Variants in CCDC110 observed in about 807,000 individuals in gnomAD.
CCDC110 encodes coiled-coil domain-containing protein 110.
A neutral mutation model predicts 77.1 loss-of-function variants in CCDC110; 70 were observed. The observed-to-expected ratio is 0.91, with a 90% CI of 0.75 to 1.11. The LOEUF (loss-of-function observed/expected upper bound fraction) is 1.11. CCDC110 is among the 50% of genes least tolerant of loss of function. The pLI, the probability that CCDC110 is intolerant of heterozygous loss-of-function variation, is 0.00. For synonymous variants in CCDC110, 295 were observed against 312.5 expected (o/e 0.94, Z 0.59); for missense variants, 868 against 942.9 (o/e 0.92, Z 1.04).
intron 6 of CCDC110, among the ~76,000 whole-genome samples, chr4:185,447,186 CTTT>C (rs11352180): frequency 2.1e-5 from 3 of 139,652 alleles, no homozygotes; most frequent in Admixed American, 7.2e-5. Flanking sequence ...TATATTTTTT[CTTT>C]TTTTTTTTTT....
chr4:185,466,246 G>GCA, intron 2 of CCDC110, among the ~76,000 whole-genome samples: 1 of 152,086 alleles, frequency 6.6e-6, no homozygotes, highest in Admixed American at 6.5e-5. Context: ...GTGGTGGCAT[G>GCA]TGCCTGTAAT....
rs2095635663 is a variant in CCDC110, at chr4:185,456,111, T to C, written c.2461+2015A>G. On this transcript the variant is annotated intron_variant, in intron 6 of 6. Coordinates refer to ENST00000307588, the MANE Select transcript of CCDC110 (RefSeq NM_152775.4). Reference sequence around the variant, plus strand: ...GAAACATCAACCAAGACAGACCTTATTCTGGGCAATAAAACAAGTCTCAAT... The same window carrying C: ...GAAACATCAACCAAGACAGACCTTACTCTGGGCAATAAAACAAGTCTCAAT... Among the ~76,000 whole-genome samples, 7 of 151,284 alleles carry C rather than the reference T, an allele frequency of 4.6e-5. No individual in the cohort carries two copies. In the South Asian group the frequency reaches 1.5e-3, roughly 32 times the overall value.
In CCDC110 at chr4:185,471,059, A is replaced by T; in HGVS notation, c.11-10T>A. ...TCCCGGTGCTGCTTTTCTGTAACAGAACCGTCCGGGGCTGTTCTGTCGCGG... is the reference window on the plus strand; with the variant it reads ...TCCCGGTGCTGCTTTTCTGTAACAGTACCGTCCGGGGCTGTTCTGTCGCGG... On this transcript the variant is annotated splice_polypyrimidine_tract_variant and intron_variant, in intron 1 of 6. Transcript: ENST00000307588. 1 of 1,475,812 alleles carries T rather than the reference A, an allele frequency of 6.8e-7. No individual in the cohort carries two copies. The highest frequency in any genetic ancestry group is 9.0e-7 in the Non-Finnish European group (1 of 1,109,348). 91.4% of individuals were successfully genotyped at this position (1,475,812 alleles called of 1,614,324 possible).
At chr4:185,448,175 C>T (rs987587941) in intron 6 of CCDC110, among the ~76,000 whole-genome samples, 4 of 152,008 alleles carry the variant, frequency 2.6e-5, no homozygotes, top group African/African-American at 9.7e-5. Context: ...CGCCCACCAC[C>T]ACGCCCAGCT....
chr4:185,459,165 T>A lies in CCDC110; in HGVS notation c.1422A>T (p.Glu474Asp). 1 of 1,600,504 alleles carries A rather than the reference T, an allele frequency of 6.2e-7. No individual in the cohort carries two copies. The highest frequency in any genetic ancestry group is 8.5e-7 in the Non-Finnish European group (1 of 1,174,930). Residue 474 changes from glutamate (E) to aspartate (D), a missense_variant, in exon 6 of 7, where the codon GAA becomes GAT. Physicochemically the swap from Glu to Asp is conservative, Grantham distance 45. Coordinates refer to ENST00000307588, the MANE Select transcript of CCDC110 (RefSeq NM_152775.4). Reference protein sequence around the residue: ...FTTQSLIQKVETYEKQLKNLV... With the variant: ...FTTQSLIQKVDTYEKQLKNLV... ...GATTCTTAAGTTGCTTTTCATATGT[T>A]TCAACTTTCTGTATGAGAGATTGTG...
chr4:185,456,749 T>C (rs1332159373), intron 6 of CCDC110, among the ~76,000 whole-genome samples: 1 of 152,170 alleles, frequency 6.6e-6, no homozygotes, highest in Non-Finnish European at 1.5e-5. Flanking sequence ...CATTTAGCAA[T>C]GTAAAACCTT....
intron 6 of CCDC110, among the ~76,000 whole-genome samples, chr4:185,454,106 C>T (rs908289625): frequency 1.3e-5 from 2 of 152,138 alleles, no homozygotes; most frequent in Admixed American, 6.5e-5. Context: ...GCATGAGCCA[C>T]CACGGCCAGC....
In CCDC110 at chr4:185,446,040, C is replaced by A. The variant is rs190808664; in HGVS notation, c.2462-498G>T. ...ATTTTTAGTAGAGACGGAGTTTCTC[C>A]ATGTTGGTAAGGCTGGTCTCGAACT... is the stretch of plus-strand genomic sequence containing the variant. On this transcript the variant is annotated intron_variant, in intron 6 of 6. Transcript: ENST00000307588. Among the ~76,000 whole-genome samples the A allele has an allele frequency of 3.3e-3, 496 of 152,142 alleles. 3 individuals carry two copies. Among genetic ancestry groups the A allele is most frequent in the African/African-American group, 0.012 (478 of 41,504 alleles).
intron 6 of CCDC110, among the ~76,000 whole-genome samples, chr4:185,448,783 G>T (rs2095622346): frequency 6.6e-6 from 1 of 152,124 alleles, no homozygotes; most frequent in Non-Finnish European, 1.5e-5. Context: ...TTTGTGTGTG[G>T]GAAGGGGGCA....
At chr4:185,464,773 ATATT>A (rs2095652504) in intron 2 of CCDC110, among the ~76,000 whole-genome samples, 1 of 152,200 alleles carries the variant, frequency 6.6e-6, no homozygotes, top group Admixed American at 6.5e-5. Context: ...AATATTGCCT[ATATT>A]TACTTGAATT....
intron 2 of CCDC110, among the ~76,000 whole-genome samples, chr4:185,464,702 C>G (rs997742754): frequency 3.3e-5 from 5 of 152,100 alleles, no homozygotes; most frequent in African/African-American, 1.2e-4. Flanking sequence ...TTTCGGTCAG[C>G]TCTCTATGCA....
intron 2 of CCDC110, among the ~76,000 whole-genome samples, chr4:185,469,546 A>G (rs2095662084): frequency 6.6e-6 from 1 of 152,232 alleles, no homozygotes; most frequent in Non-Finnish European, 1.5e-5. Flanking sequence ...TCTTTGAGGT[A>G]AATACGGAGC....
rs1414747743 is a variant in CCDC110, at chr4:185,458,785, G to A, written c.1802C>T (p.Ser601Leu). 4.3e-6 allele frequency: 7 copies of A among 1,610,290 alleles called. 1 individual carries two copies. In the South Asian group the frequency reaches 4.4e-5, roughly 10 times the overall value. ...GCTTTCTTTTAGTTCATTTCCAAGTGAGCTTTTTTCTTTTAGAAGCTGGTG... is the reference window on the plus strand; with the variant it reads ...GCTTTCTTTTAGTTCATTTCCAAGTAAGCTTTTTTCTTTTAGAAGCTGGTG... ...KTHQLLKEKS[S>L]LGNELKESQL... Residue 601 changes from serine to leucine, a missense_variant, in exon 6 of 7, where the codon TCA (serine) becomes TTA (leucine). Physicochemically the swap from Ser to Leu is moderately radical, Grantham distance 145 (BLOSUM62 -2). Transcript: ENST00000307588.
rs12640886 is a variant in CCDC110, at chr4:185,468,689, C to T, written c.115+2256G>A. ...TACTTCCTTCTGGTCTTGGCTCAGA[C>T]GTGACCTGCTGAGTGAGCCCTTCTC... On this transcript the variant is annotated intron_variant, in intron 2 of 6. Transcript: ENST00000307588. This position sits in a 1 kb window ranked among gnomAD's most constrained non-coding sequence, Gnocchi z 4.5. Among the ~76,000 whole-genome samples the T allele has an allele frequency of 0.12, 18,443 of 152,148 alleles. 2,032 individuals are homozygous for T. The highest frequency in any genetic ancestry group is 0.29 in the African/African-American group (11,828 of 41,460).
In CCDC110 at chr4:185,459,056, T is replaced by A. The variant is rs2095640997; in HGVS notation, c.1531A>T (p.Ile511Leu). The A allele has an allele frequency of 1.9e-6, 3 of 1,563,120 alleles. No homozygotes were observed. Among genetic ancestry groups the A allele is most frequent in the Non-Finnish European group, 2.6e-6 (3 of 1,152,504 alleles). ...SKECLKEFKK[I>L]ISKYNVLQGQ... ...TGCAGAACATTATATTTACTAATTA[T>A]TTTTTTAAATTCTTTAAGACACTCT... Residue 511 changes from isoleucine (I) to leucine (L), a missense_variant, in exon 6 of 7, where the codon ATA becomes TTA. Ile to Leu is a conservative substitution (Grantham distance 5, BLOSUM62 2). Coordinates refer to ENST00000307588, the MANE Select transcript of CCDC110 (RefSeq NM_152775.4).
At chr4:185,465,986 A>G (rs989441580) in intron 2 of CCDC110, among the ~76,000 whole-genome samples, 4 of 152,218 alleles carry the variant, frequency 2.6e-5, no homozygotes, top group African/African-American at 9.6e-5. Context: ...AGATATGTTA[A>G]GGCTAGGTTG....
At chr4:185,452,427 A>C in intron 6 of CCDC110, 1 of 948,884 alleles carries the variant, frequency 1.1e-6, no homozygotes. Context: ...CTTAACTTTA[A>C]GGGAAACTTA....
Position 185,468,010 on chromosome 4 carries a change from CCT to C in CCDC110, c.115+2933_115+2934del, listed in dbSNP as rs2153324876. 6.6e-6 allele frequency among the ~76,000 whole-genome samples: 1 copy of C among 152,288 alleles called. No homozygotes were observed. Among genetic ancestry groups the C allele is most frequent in the East Asian group, 1.9e-4 (1 of 5,170 alleles). On this transcript the variant is annotated intron_variant, in intron 2 of 6. Transcript: ENST00000307588. The surrounding 1 kb of genome is among the most constrained non-coding windows in gnomAD (Gnocchi z 4.5). Reference sequence around the variant, plus strand: ...TCTCAAACTCCTGACCTCAGGTGATCCTCCTGCCTCGGTCTCCCAAAATGCTG... The same window carrying C: ...TCTCAAACTCCTGACCTCAGGTGATCCCTGCCTCGGTCTCCCAAAATGCTG...
chr4:185,468,350 A>T lies in CCDC110; in HGVS notation c.115+2595T>A, dbSNP rs2095659867. 6.6e-6 allele frequency among the ~76,000 whole-genome samples: 1 copy of T among 152,216 alleles called. No individual in the cohort carries two copies. The highest frequency in any genetic ancestry group is 1.5e-5 in the Non-Finnish European group (1 of 68,034). On this transcript the variant is annotated intron_variant, in intron 2 of 6. Transcript: ENST00000307588. This position sits in a 1 kb window ranked among gnomAD's most constrained non-coding sequence, Gnocchi z 4.5. ...CATAGTGAATGCTCAAGAGACACTA[A>T]CTCATTACTGCAGAGGCAATATGAT...
Sources: allele counts gnomAD v4.1 joint callset (sites outside exome capture counted in the v4.1 genomes callset), GRCh38; gene constraint gnomAD v4.1.1; non-coding constraint Gnocchi (gnomAD v3.1); transcripts MANE v1.5; gene names NCBI Gene and HGNC (gene_info 2026-07-23, HGNC 2026-07-21).